Variants in SETD2 observed in about 807,000 individuals in gnomAD.
The protein encoded by SETD2 is SET domain containing 2, histone lysine methyltransferase, also known as histone-lysine N-methyltransferase SETD2.
A neutral mutation model predicts 242.1 loss-of-function variants in SETD2; 31 were observed. The observed-to-expected ratio is 0.13, with a 90% CI of 0.10 to 0.17. The LOEUF (loss-of-function observed/expected upper bound fraction) is 0.17, where lower values mean the gene tolerates loss of function less well. Ranked by LOEUF, SETD2 falls within the 10% of genes least tolerant of loss-of-function variation. SETD2 has a pLI of 1.00. For synonymous variants in SETD2, 1,006 were observed against 1,066.5 expected, an observed-to-expected ratio of 0.94 and a Z score of 1.11; for missense variants, 2,481 against 3,046.3, an observed-to-expected ratio of 0.81 and a Z score of 4.37.
chr3:47,127,776 C>T (rs1049723095), intron 1 of SETD2, among the ~76,000 whole-genome samples: 1 of 152,134 alleles, frequency 6.6e-6, no homozygotes, highest in Non-Finnish European at 1.5e-5. Context: ...ATCACTTGAA[C>T]CCGGGAGGTG....
At chr3:47,032,554 C>T (rs1018026991) in intron 18 of SETD2, among the ~76,000 whole-genome samples, 1 of 151,662 alleles carries the variant, frequency 6.6e-6, no homozygotes, top group South Asian at 2.1e-4. Flanking sequence ...CAAAAAAAAA[C>T]CAGAATACTT....
At chr3:47,147,969 G>A (rs1263881936) in intron 1 of SETD2, among the ~76,000 whole-genome samples, 3 of 149,622 alleles carry the variant, frequency 2.0e-5, no homozygotes, top group Middle Eastern at 3.4e-3. Flanking sequence ...TATACTTTCT[G>A]CACTCTTGTT....
Position 47,062,072 on chromosome 3 carries a change from T to C in SETD2, c.6293+91A>G, listed in dbSNP as rs1459015819. 4 of 1,163,396 alleles carry C rather than the reference T, an allele frequency of 3.4e-6. No homozygotes were observed. The East Asian group carries it at 9.3e-5, about 27-fold the overall frequency. The allele number at this position is 1,163,396 out of a possible 1,614,324, so 72.1% of individuals were successfully genotyped here. ...TGCAAATACTAATTCCAAAAGCCCTTGATGTTCACAATCAGAAGTATATGA... is the reference window on the plus strand; with the variant it reads ...TGCAAATACTAATTCCAAAAGCCCTCGATGTTCACAATCAGAAGTATATGA... On this transcript the variant is annotated intron_variant, in intron 14 of 20. Transcript: ENST00000409792.
chr3:47,103,597 C>A (rs567425551), intron 6 of SETD2, among the ~76,000 whole-genome samples, 174 bp from the exon 7 acceptor site: 2 of 152,184 alleles, frequency 1.3e-5, no homozygotes, highest in Non-Finnish European at 2.9e-5. Context: ...CAAAGTTTTT[C>A]CACTGTAAAC....
chr3:47,081,324 C>T (rs937539628), intron 12 of SETD2, among the ~76,000 whole-genome samples: 24 of 152,126 alleles, frequency 1.6e-4, no homozygotes, highest in African/African-American at 5.6e-4. Context: ...TATGGTGGCC[C>T]CCGGTTGGCT....
intron 3 of SETD2, among the ~76,000 whole-genome samples, chr3:47,117,570 T>A (rs1364830967): frequency 6.6e-6 from 1 of 152,112 alleles, no homozygotes; most frequent in Non-Finnish European, 1.5e-5. Context: ...AGAAAAGGGG[T>A]TTCTAAAAAA....
chr3:47,037,602 C>G, intron 18 of SETD2, 64 bp downstream of exon 18: 1 of 1,203,372 alleles, frequency 8.3e-7, no homozygotes, highest in Non-Finnish European at 1.2e-6. Context: ...ATCCCAAGAC[C>G]ATGCGGGATG....
intron 17 of SETD2, chr3:47,041,217 T>C: frequency 4.0e-6 from 1 of 247,564 alleles, no homozygotes; most frequent in Non-Finnish European, 8.4e-6. Flanking sequence ...TACTCTGTCA[T>C]TGTAGTGTGA....
rs182528696 is a variant in SETD2 at position 47,117,786 on chromosome 3, G to A, written c.4455-1032C>T. ...ACATAAACTGCTAAAATTTGATTGC[G>A]TTCATAATAAGCCATGCCAGAGTGT... On this transcript the variant is annotated intron_variant, in intron 3 of 20. Coordinates refer to ENST00000409792, the MANE Select transcript of SETD2 (RefSeq NM_014159.7). Among the ~76,000 whole-genome samples, 306 of 152,294 alleles carry A rather than the reference G, an allele frequency of 2.0e-3. 3 individuals carry two copies. Among genetic ancestry groups the A allele is most frequent in the African/African-American group, 6.6e-3 (275 of 41,564 alleles).
At chr3:47,046,922 T>C (rs952234246) in intron 15 of SETD2, 3 of 181,340 alleles carry the variant, frequency 1.7e-5, no homozygotes, top group Admixed American at 5.9e-5. Flanking sequence ...TGGAATGACA[T>C]TGAAAATTAA....
At chr3:47,125,533 C>T (rs549329193) in intron 2 of SETD2, among the ~76,000 whole-genome samples, 1 of 152,240 alleles carries the variant, frequency 6.6e-6, no homozygotes, top group South Asian at 2.1e-4. Context: ...TGGGAAACCA[C>T]TGATACAGAG....
chr3:47,046,680 T>C, intron 15 of SETD2, 59 bp from the exon 16 acceptor site: 1 of 1,482,274 alleles, frequency 6.7e-7, no homozygotes, highest in South Asian at 1.3e-5. Flanking sequence ...ATAAACAGAC[T>C]GACTTCCAAG....
In SETD2 at chr3:47,066,202, CTTTAT is replaced by C. The variant is rs58632048; in HGVS notation, c.6109+863_6109+867del. Reference sequence around the variant, plus strand: ...CTTAATAACATTTTTATCTAGCTTACTTTATTTTAAGAATACAGTTACATAATACA... The same window carrying C: ...CTTAATAACATTTTTATCTAGCTTACTTTAAGAATACAGTTACATAATACA... On this transcript the variant is annotated intron_variant, in intron 13 of 20. Transcript: ENST00000409792. 9.7e-3 allele frequency among the ~76,000 whole-genome samples: 1,475 copies of C among 152,246 alleles called. 6 individuals carry two copies. The highest frequency in any genetic ancestry group is 0.017 in the Middle Eastern group (5 of 294).
rs567503863 is a variant in SETD2 at position 47,056,839 on chromosome 3, T to C, written c.6945A>G (p.Thr2315=). 2 of 1,613,074 alleles carry C rather than the reference T, an allele frequency of 1.2e-6. No individual in the cohort carries two copies. The highest frequency in any genetic ancestry group is 1.7e-6 in the Non-Finnish European group (2 of 1,179,166). ...VYGVTSPYSQ[T]TPPIVQSYAQ... ...TAGTTACCTGTACAATTGGTGGAGTTGTCTGTGAATAAGGTGATGTCACAC... is the reference window on the plus strand; with the variant it reads ...TAGTTACCTGTACAATTGGTGGAGTCGTCTGTGAATAAGGTGATGTCACAC... The change falls in exon 15 of 21, where the codon ACA becomes ACG. Residue 2315 remains threonine, a synonymous_variant. Coordinates refer to ENST00000409792, the MANE Select transcript of SETD2 (RefSeq NM_014159.7).
intron 10 of SETD2, 59 bp from the exon 11 acceptor site, chr3:47,086,373 CAA>C: frequency 6.4e-7 from 1 of 1,570,176 alleles, no homozygotes; most frequent in East Asian, 2.3e-5. Context: ...CAGAATATTA[CAA>C]AGAGCCCGAG....
At chr3:47,048,895 T>C (rs1010054095) in intron 15 of SETD2, among the ~76,000 whole-genome samples, 1 of 152,018 alleles carries the variant, frequency 6.6e-6, no homozygotes, top group African/African-American at 2.4e-5. Context: ...CTCCATCTCC[T>C]AACCTTGTGA....
intron 1 of SETD2, among the ~76,000 whole-genome samples, chr3:47,128,372 G>A (rs953235564): frequency 6.6e-6 from 1 of 152,210 alleles, no homozygotes; most frequent in African/African-American, 2.4e-5. Flanking sequence ...TGTCTACTTG[G>A]AGAAAAGGAA....
intron 1 of SETD2, among the ~76,000 whole-genome samples, chr3:47,128,818 ATT>A (rs1202339841): frequency 6.6e-6 from 1 of 152,136 alleles, no homozygotes; most frequent in Admixed American, 6.5e-5. Flanking sequence ...TAAAATAATC[ATT>A]TTCTTACAAT....
At position 47,035,425 on chromosome 3, in the gene SETD2, G is replaced by A. The variant is rs116371718; in HGVS notation, c.7350+2241C>T. 4.1e-3 allele frequency among the ~76,000 whole-genome samples: 618 copies of A among 152,328 alleles called. 4 individuals are homozygous for A. The highest frequency in any genetic ancestry group is 0.013 in the African/African-American group (530 of 41,564). On this transcript the variant is annotated intron_variant, in intron 18 of 20. Transcript: ENST00000409792. ...CTCACCAGCTAGCCAGAGAATGAAC[G>A]TCTAATTGTGTAGCATGGCACATAA...
Sources: allele counts gnomAD v4.1 joint callset (sites outside exome capture counted in the v4.1 genomes callset), GRCh38; gene constraint gnomAD v4.1.1; transcripts MANE v1.5; gene names NCBI Gene and HGNC (gene_info 2026-07-23, HGNC 2026-07-21).